AFG2A: variants seen among roughly 807,000 people sequenced by gnomAD.
The protein encoded by AFG2A is ATPase family gene 2 protein homolog A.
At chr4:123,222,720 C>T in the AFG2A span, among the ~76,000 whole-genome samples, 3 of 152,114 alleles carry the variant, frequency 2.0e-5, no homozygotes, top group South Asian at 6.2e-4. Context: ...CACCTGGTAA[C>T]CATCTTTCTA....
the AFG2A span, chr4:122,923,154 G>A: frequency 3.7e-6 from 6 of 1,614,204 alleles, 1 homozygote; most frequent in South Asian, 6.6e-5. Flanking sequence ...TGTCTTCCAA[G>A]AAGAATAGAA....
the AFG2A span, among the ~76,000 whole-genome samples, chr4:122,944,418 T>C: frequency 6.6e-6 from 1 of 152,354 alleles, no homozygotes; most frequent in South Asian, 2.1e-4. Flanking sequence ...TTTCTTCCAG[T>C]TGATCGCATC....
chr4:123,036,059 G>A, the AFG2A span, among the ~76,000 whole-genome samples: 4 of 152,084 alleles, frequency 2.6e-5, no homozygotes, highest in Non-Finnish European at 4.4e-5. Flanking sequence ...TGTCATGTCT[G>A]TAATACTTTT....
the AFG2A span, among the ~76,000 whole-genome samples, chr4:123,232,180 A>G: frequency 6.6e-6 from 1 of 152,058 alleles, no homozygotes; most frequent in Non-Finnish European, 1.5e-5. Flanking sequence ...GCATAGTGCA[A>G]TAAAATGAGG....
chr4:122,989,781 G>A, the AFG2A span, among the ~76,000 whole-genome samples: 1 of 152,164 alleles, frequency 6.6e-6, no homozygotes, highest in Non-Finnish European at 1.5e-5. Context: ...TCCACATTGT[G>A]CTGCCAGAGG....
At chr4:123,017,038 G>A in the AFG2A span, among the ~76,000 whole-genome samples, 1 of 152,082 alleles carries the variant, frequency 6.6e-6, no homozygotes, top group Non-Finnish European at 1.5e-5. Context: ...AGGAGAATCA[G>A]GCAGGGAGGC....
the AFG2A span, among the ~76,000 whole-genome samples, chr4:123,043,537 C>A: frequency 2.0e-5 from 3 of 152,074 alleles, no homozygotes; most frequent in Non-Finnish European, 4.4e-5. Context: ...TAAGGTCCAT[C>A]AAGTTCAAGA....
chr4:123,154,283 C>T, the AFG2A span, among the ~76,000 whole-genome samples: 4,385 of 151,424 alleles, frequency 0.029, 86 homozygotes, highest in Non-Finnish European at 0.036. Context: ...ATGTTAAAAC[C>T]GATATTATAG....
the AFG2A span, among the ~76,000 whole-genome samples, chr4:122,997,915 T>A: frequency 6.6e-6 from 1 of 152,210 alleles, no homozygotes; most frequent in Non-Finnish European, 1.5e-5. Context: ...CATCTTTTCA[T>A]TTGCTTATTG....
the AFG2A span, among the ~76,000 whole-genome samples, chr4:123,235,799 C>T: frequency 2.0e-5 from 3 of 152,168 alleles, no homozygotes; most frequent in Non-Finnish European, 2.9e-5. Context: ...TGTTTAACAG[C>T]AGTGCAACTG....
chr4:123,188,034 T>C, the AFG2A span, among the ~76,000 whole-genome samples: 17 of 151,822 alleles, frequency 1.1e-4, no homozygotes, highest in African/African-American at 3.6e-4. Context: ...AGTCTTTTAA[T>C]GTTATATTTC....
the AFG2A span, among the ~76,000 whole-genome samples, chr4:122,941,012 T>C: frequency 2.6e-5 from 4 of 151,612 alleles, no homozygotes; most frequent in Middle Eastern, 3.4e-3. Context: ...TTGGTACCAG[T>C]ACCATGCTGT....
chr4:123,278,777 G>A, the AFG2A span, among the ~76,000 whole-genome samples: 4 of 152,050 alleles, frequency 2.6e-5, no homozygotes, highest in African/African-American at 9.6e-5. Flanking sequence ...CAATTTTCTT[G>A]ATATTGGTTT....
the AFG2A span, among the ~76,000 whole-genome samples, chr4:123,005,249 C>G: frequency 1.3e-5 from 2 of 152,140 alleles, no homozygotes; most frequent in South Asian, 4.1e-4. Flanking sequence ...CTCCTGGGTT[C>G]AAGCCATTTT....
At chr4:122,947,483 A>G in the AFG2A span, 1 of 1,609,372 alleles carries the variant, frequency 6.2e-7, no homozygotes, top group African/African-American at 1.3e-5. Flanking sequence ...TTGTGTAATG[A>G]AGCAGGTGAG....
At chr4:123,151,834 T>C in the AFG2A span, among the ~76,000 whole-genome samples, 14 of 152,176 alleles carry the variant, frequency 9.2e-5, no homozygotes. Flanking sequence ...CACGTATGTT[T>C]ATTGCAGCAC....
At chr4:122,971,660 C>T in the AFG2A span, among the ~76,000 whole-genome samples, 1 of 152,044 alleles carries the variant, frequency 6.6e-6, no homozygotes, top group African/African-American at 2.4e-5. Flanking sequence ...AGTTTACAAA[C>T]TGTTACTTAA....
the AFG2A span, among the ~76,000 whole-genome samples, chr4:123,094,519 A>G: frequency 6.6e-6 from 1 of 152,102 alleles, no homozygotes; most frequent in Admixed American, 6.6e-5. Flanking sequence ...ATATCAAGAA[A>G]AACCAAGAGC....
At chr4:123,167,887 G>T in the AFG2A span, among the ~76,000 whole-genome samples, 3 of 152,056 alleles carry the variant, frequency 2.0e-5, no homozygotes, top group African/African-American at 4.8e-5. Flanking sequence ...ATTTTGTTAG[G>T]TCATCATCAA....
Sources: allele counts gnomAD v4.1 joint callset (sites outside exome capture counted in the v4.1 genomes callset), GRCh38; gene constraint gnomAD v4.1.1; transcripts MANE v1.5; gene names NCBI Gene and HGNC (gene_info 2026-07-23, HGNC 2026-07-21).